Variants in CDHR2 observed in about 807,000 individuals in gnomAD.
CDHR2 encodes cadherin related family member 2.
CDHR2 carries 104 observed loss-of-function variants against 138.6 expected under a neutral mutation model. The ratio of observed to expected loss-of-function variants is 0.75; its 90% confidence interval spans 0.64 to 0.88. CDHR2 has a LOEUF of 0.88. Among genes scored for constraint, CDHR2 ranks in the 40% least tolerant of loss-of-function variants. The pLI is 0.00. For missense variants in CDHR2, 1,624 were observed against 1,727.6 expected (o/e 0.94, Z 1.06); for synonymous variants, 755 against 742.8 (o/e 1.02, Z -0.27).
chr5:176,543,256 G>A lies in CDHR2; in HGVS notation c.-16+487G>A, dbSNP rs889496992. On this transcript the variant is annotated intron_variant, in intron 1 of 31. Transcript: ENST00000510636. The surrounding 1 kb of genome is among the most constrained non-coding windows in gnomAD (Gnocchi z 4.0). ...GCTCGGCGCAGGGTCCGGGCCCGGC[G>A]TTACCTGGGGCCGCGGCGGGGCTCC... 2.0e-5 allele frequency among the ~76,000 whole-genome samples: 3 copies of A among 146,772 alleles called. No individual in the cohort carries two copies. The highest frequency in any genetic ancestry group is 7.3e-5 in the African/African-American group (3 of 40,942).
In CDHR2 at chr5:176,569,048, G is replaced by T. The variant is rs200076321; in HGVS notation, c.315+38G>T. ...GTGCAGGGGGGTAGACAGGGATTGC[G>T]AGAGTCCATTCCTGATTGTGTCCCC... On this transcript the variant is annotated intron_variant, in intron 5 of 31. Coordinates refer to ENST00000261944, the MANE Select transcript of CDHR2 (RefSeq NM_017675.6). 1.9e-6 allele frequency: 3 copies of T among 1,605,536 alleles called. No homozygotes were observed. The South Asian group carries it at 3.3e-5, about 18-fold the overall frequency.
chr5:176,592,079 TCG>T (rs1446434006), intron 30 of CDHR2, among the ~76,000 whole-genome samples: 1,394 of 118,158 alleles, frequency 0.012, 1 homozygote, highest in African/African-American at 0.037. Flanking sequence ...GTGGCAGTTA[TCG>T]TGGTGGTGGT....
At chr5:176,558,282 C>A (rs1757887222) in intron 1 of CDHR2, among the ~76,000 whole-genome samples, 1 of 145,178 alleles carries the variant, frequency 6.9e-6, no homozygotes, top group Non-Finnish European at 1.5e-5. Context: ...GTGGCGCCAT[C>A]TCGGCTCACT....
At chr5:176,548,882 C>G (rs1462093892), upstream of CDHR2, among the ~76,000 whole-genome samples, 1 of 152,176 alleles carries the variant, frequency 6.6e-6, no homozygotes, top group African/African-American at 2.4e-5. Flanking sequence ...CCAGGCTCAG[C>G]TAGCCCCCAG....
chr5:176,548,761 A>T (rs74748272), upstream of CDHR2, among the ~76,000 whole-genome samples: 13,504 of 148,560 alleles, frequency 0.091, 710 homozygotes, highest in East Asian at 0.17. Context: ...ATAAATAATT[A>T]AAAAAAAAAG....
In CDHR2 at chr5:176,575,065, C is replaced by T. The variant is rs1758332635; in HGVS notation, c.496-19C>T. ...AGGGCTGTCCCTAGGGAGCCTGACC[C>T]AAGTCTGCTCTGCCCCAGGTCATCC... On this transcript the variant is annotated intron_variant, in intron 7 of 31. Coordinates refer to ENST00000261944, the MANE Select transcript of CDHR2 (RefSeq NM_017675.6). The T allele has an allele frequency of 6.2e-7, 1 of 1,613,688 alleles. No homozygotes were observed. Among genetic ancestry groups the T allele is most frequent in the Non-Finnish European group, 8.5e-7 (1 of 1,179,874 alleles).
At chr5:176,561,714 A>G (rs1412888427) in intron 1 of CDHR2, among the ~76,000 whole-genome samples, 1 of 147,446 alleles carries the variant, frequency 6.8e-6, no homozygotes, top group Admixed American at 7.0e-5. Context: ...ATCTCGACTC[A>G]TTGCAACCTC....
rs1339698596 is a variant in CDHR2, at chr5:176,543,953, C to T, written c.-16+1184C>T. Among the ~76,000 whole-genome samples the T allele has an allele frequency of 6.6e-6, 1 of 152,252 alleles. No homozygotes were observed. The highest frequency in any genetic ancestry group is 1.9e-4 in the East Asian group (1 of 5,206). ...AACCTGGACCAGGGCATGGCCGGCA[C>T]CAGCTCAGGCCGCGGGTCCCGGCGC... On this transcript the variant is annotated intron_variant, in intron 1 of 31. Coordinates refer to the CDHR2 transcript ENST00000510636. The surrounding 1 kb of genome is among the most constrained non-coding windows in gnomAD (Gnocchi z 4.0).
chr5:176,589,692 G>A (rs1306403895), intron 24 of CDHR2, 76 bp downstream of exon 24: 4 of 1,265,662 alleles, frequency 3.2e-6, no homozygotes, highest in Non-Finnish European at 4.6e-6. Flanking sequence ...AAACCTGGAT[G>A]GGATGTCTCT....
In CDHR2 at chr5:176,577,474, G is replaced by A. The variant is rs1237632490; in HGVS notation, c.1270G>A (p.Val424Met). Reference sequence around the variant, plus strand: ...CTTCAGCGTCTCCCCGGAGCGGGCAGTGGGCTCAGCCTCCGTTCAGGTGCT... The same window carrying A: ...CTTCAGCGTCTCCCCGGAGCGGGCAATGGGCTCAGCCTCCGTTCAGGTGCT... ...EAFSVSPERA[V>M]GSASVQVLVR... The change falls in exon 13 of 32, where the codon GTG (valine) becomes ATG (methionine). Residue 424 changes from valine (V) to methionine (M), a missense_variant. By Grantham distance (21) the Val-to-Met change is conservative. Around this residue, in one of 3 missense-constraint regions of CDHR2, gnomAD observed 1,061 missense variants for 1,136.6 expected, o/e 0.93. Coordinates refer to ENST00000261944, the MANE Select transcript of CDHR2 (RefSeq NM_017675.6). 7 of 1,610,902 alleles carry A rather than the reference G, an allele frequency of 4.3e-6. No individual in the cohort carries two copies. The highest frequency in any genetic ancestry group is 5.9e-6 in the Non-Finnish European group (7 of 1,178,954).
chr5:176,575,589 C>T lies in CDHR2; in HGVS notation c.844+8C>T, dbSNP rs1186186790. 13 of 1,613,632 alleles carry T rather than the reference C, an allele frequency of 8.1e-6. No homozygotes were observed. The highest frequency in any genetic ancestry group is 1.6e-4 in the Middle Eastern group (1 of 6,084). On this transcript the variant is annotated splice_region_variant and intron_variant, in intron 10 of 31. Transcript: ENST00000261944. ...TGATCTACAGCATCTCCTGTGAGAA[C>T]GGGGTGTCCCCAGGCCAGGGCTGGG...
chr5:176,595,068 G>C (rs1758988541), intron 31 of CDHR2, among the ~76,000 whole-genome samples: 1 of 152,204 alleles, frequency 6.6e-6, no homozygotes, highest in Non-Finnish European at 1.5e-5. Context: ...TTCACCAGTA[G>C]ACCTCTCTAA....
At chr5:176,580,983 T>TTGAA (rs4026699) in intron 16 of CDHR2, among the ~76,000 whole-genome samples, 53,673 of 151,826 alleles carry the variant, frequency 0.35, 9,917 homozygotes, top group East Asian at 0.62. Context: ...AAAACTTTCT[T>TTGAA]TGTCTACAAT....
intron 7 of CDHR2, 112 bp from the exon 8 acceptor site, chr5:176,574,972 A>C: frequency 7.7e-7 from 1 of 1,302,976 alleles, no homozygotes; most frequent in Non-Finnish European, 1.1e-6. Context: ...ACCTGGTGCC[A>C]GTGGCGTGAC....
intron 26 of CDHR2, 26 bp downstream of exon 26, chr5:176,590,356 G>C (rs1455883796): frequency 6.2e-7 from 1 of 1,614,084 alleles, no homozygotes; most frequent in East Asian, 2.2e-5. Context: ...CTTGGGGCAG[G>C]TGTGAGGGTG....
chr5:176,565,471 G>A, intron 2 of CDHR2, 67 bp downstream of exon 2: 1 of 1,484,406 alleles, frequency 6.7e-7, no homozygotes, highest in Non-Finnish European at 9.4e-7. Context: ...CCTCCAGAAA[G>A]GAGGGGGATC....
upstream of CDHR2, among the ~76,000 whole-genome samples, chr5:176,545,893 C>G (rs1385347788): frequency 6.6e-6 from 1 of 152,230 alleles, no homozygotes; most frequent in Non-Finnish European, 1.5e-5. Context: ...GGGCAGGGCA[C>G]CATCTGGCCA....
chr5:176,584,849 C>G lies in CDHR2; in HGVS notation c.2568C>G (p.Val856=), dbSNP rs35794631. Residue 856 remains valine, a synonymous_variant, in exon 19 of 32, where the codon GTC becomes GTG. Transcript: ENST00000261944. ...LVNILCTKAG[V]DVGSLCWGWF... is the part of the protein sequence containing the mutation. ...ACATTCTCTGCACCAAGGCCGGGGT[C>G]GATGTGGGCAGCCTATGCTGGGGCT... 6.2e-7 allele frequency: 1 copy of G among 1,614,066 alleles called. No individual in the cohort carries two copies.
At position 176,589,566 on chromosome 5, in the gene CDHR2, G is replaced by A. The variant is rs763357327; in HGVS notation, c.3156G>A (p.Gln1052=). The part of the protein sequence containing the change: ...TVDQSYRSRL[Q]FSTPKEEVGA... ...ACCAGAGTTACCGCTCGCGGCTGCA[G>A]TTCTCCACACCGAAGGAGGAGGTGG... Residue 1052 remains glutamine, a synonymous_variant, in exon 24 of 32, where the codon CAG becomes CAA. Transcript: ENST00000261944. 74 of 1,613,984 alleles carry A rather than the reference G, an allele frequency of 4.6e-5. No individual in the cohort carries two copies. The highest frequency in any genetic ancestry group is 6.3e-5 in the Non-Finnish European group (74 of 1,180,032).
Sources: allele counts gnomAD v4.1 joint callset (sites outside exome capture counted in the v4.1 genomes callset), GRCh38; gene constraint gnomAD v4.1.1; regional missense constraint gnomAD v4.1.1; non-coding constraint Gnocchi (gnomAD v3.1); transcripts MANE v1.5; gene names NCBI Gene and HGNC (gene_info 2026-07-23, HGNC 2026-07-21).